Variants in MAP3K3 observed in about 807,000 individuals in gnomAD.
MAP3K3 encodes MAP/ERK kinase kinase 3.
MAP3K3 carries 12 observed loss-of-function variants against 80.9 expected under a neutral mutation model. The ratio of observed to expected loss-of-function variants is 0.15; its 90% CI spans 0.10 to 0.24. The LOEUF (loss-of-function observed/expected upper bound fraction) is 0.24, where lower values mean the gene tolerates loss of function less well. Among genes scored for constraint, MAP3K3 ranks in the 10% least tolerant of loss-of-function variants. The pLI, the probability that MAP3K3 is intolerant of heterozygous loss-of-function variation, is 1.00. For synonymous variants in MAP3K3, 272 were observed against 307.1 expected (o/e 0.89, Z 1.19); for missense variants, 596 against 834.7 (o/e 0.71, Z 3.52).
At chr17:63,675,671 A>T (rs1013404621) in intron 6 of MAP3K3, among the ~76,000 whole-genome samples, 4 of 152,128 alleles carry the variant, frequency 2.6e-5, no homozygotes, top group African/African-American at 9.7e-5. Flanking sequence ...CCTTCATGGG[A>T]AACTGTGGGC....
At chr17:63,649,480 T>C (rs2034607059) in intron 3 of MAP3K3, among the ~76,000 whole-genome samples, 1 of 149,584 alleles carries the variant, frequency 6.7e-6, no homozygotes. Context: ...CAGGCTGGAG[T>C]ACAGTGGTGT....
intron 1 of MAP3K3, among the ~76,000 whole-genome samples, chr17:63,632,075 A>G (rs2034227559): frequency 6.6e-6 from 1 of 152,024 alleles, no homozygotes; most frequent in Admixed American, 6.5e-5. Context: ...TCAATTTTTC[A>G]TCTATTTTTC....
At chr17:63,641,016 CA>C (rs1307377674) in intron 2 of MAP3K3, among the ~76,000 whole-genome samples, 3 of 152,116 alleles carry the variant, frequency 2.0e-5, no homozygotes, top group Admixed American at 6.6e-5. Context: ...CCTCTAAATC[CA>C]AAACATGCAT....
intron 5 of MAP3K3, among the ~76,000 whole-genome samples, chr17:63,665,857 C>A (rs1476636505): frequency 1.3e-5 from 2 of 152,150 alleles, no homozygotes; most frequent in African/African-American, 2.4e-5. Context: ...TGAACTCTCC[C>A]CTGAGAGCAG....
intron 1 of MAP3K3, 35 bp from the exon 2 acceptor site, chr17:63,632,646 A>G (rs753715402): frequency 6.2e-7 from 1 of 1,612,116 alleles, no homozygotes; most frequent in African/African-American, 1.3e-5. Context: ...GTCTGTATTT[A>G]AGTGTCTTAG....
At chr17:63,686,115 G>A (rs958196488) in intron 8 of MAP3K3, among the ~76,000 whole-genome samples, 2 of 152,078 alleles carry the variant, frequency 1.3e-5, no homozygotes, top group African/African-American at 2.4e-5. Context: ...ATACCAAATC[G>A]CAAGGGTATG....
chr17:63,693,487 T>C lies in MAP3K3; in HGVS notation c.1653-62T>C, dbSNP rs2035634368. ...AGAAAGGCGCCTCTTTCTGCAGTGG[T>C]GGGCAGGACAGCTGGGAGTCCAGGG... On this transcript the variant is annotated intron_variant, in intron 15 of 15. Coordinates refer to ENST00000361733, the MANE Select transcript of MAP3K3 (RefSeq NM_002401.5). The surrounding 1 kb of genome is among the most constrained non-coding windows in gnomAD (Gnocchi z 4.2). 6.3e-6 allele frequency: 9 copies of C among 1,437,430 alleles called. No individual in the cohort carries two copies. The highest frequency in any genetic ancestry group is 8.6e-6 in the Non-Finnish European group (9 of 1,048,284). 89.0% of individuals were successfully genotyped at this position (1,437,430 alleles called of 1,614,324 possible).
chr17:63,641,264 A>T (rs909862516), intron 2 of MAP3K3, among the ~76,000 whole-genome samples: 3 of 148,216 alleles, frequency 2.0e-5, no homozygotes, highest in Admixed American at 1.3e-4. Context: ...TTTTCCTGAG[A>T]TGGAGTCTTG....
At chr17:63,641,592 C>A (rs975379219) in intron 2 of MAP3K3, among the ~76,000 whole-genome samples, 4 of 152,008 alleles carry the variant, frequency 2.6e-5, no homozygotes, top group Non-Finnish European at 5.9e-5. Context: ...AACCTAAGTT[C>A]GAGGTTACAC....
rs571612955 is a variant in MAP3K3 at position 63,692,949 on chromosome 17, G to A, written c.1652+530G>A. On this transcript the variant is annotated intron_variant, in intron 15 of 15. Coordinates refer to ENST00000361733, the MANE Select transcript of MAP3K3 (RefSeq NM_002401.5). This position sits in a 1 kb window ranked among gnomAD's most constrained non-coding sequence, Gnocchi z 4.5. ...CTTTGCAGATAGGATTAGGTTAAGG[G>A]TTTTGAGATGGATGGATTATCCTGG... 8.5e-4 allele frequency among the ~76,000 whole-genome samples: 129 copies of A among 152,316 alleles called. 1 individual carries two copies. Among genetic ancestry groups the A allele is most frequent in the African/African-American group, 2.9e-3 (120 of 41,558 alleles).
Position 63,692,090 on chromosome 17 carries a change from C to T in MAP3K3, c.1475-152C>T. 11 of 941,336 alleles carry T rather than the reference C, an allele frequency of 1.2e-5. No homozygotes were observed. In the South Asian group the frequency reaches 1.7e-4, roughly 15 times the overall value. The allele number at this position is 941,336 out of a possible 1,614,324, so 58.3% of individuals were successfully genotyped here. ...CATTTTGTGCGGTAGATCTGAGACT[C>T]CCCTTTGCTAAATCCTTTGCCCTTT... On this transcript the variant is annotated intron_variant, in intron 14 of 15. Coordinates refer to ENST00000361733, the MANE Select transcript of MAP3K3 (RefSeq NM_002401.5). The surrounding 1 kb of genome is among the most constrained non-coding windows in gnomAD (Gnocchi z 4.5).
At chr17:63,634,267 G>A (rs949283877) in intron 2 of MAP3K3, among the ~76,000 whole-genome samples, 1 of 152,160 alleles carries the variant, frequency 6.6e-6, no homozygotes, top group East Asian at 1.9e-4. Flanking sequence ...TTTCCTTCCT[G>A]TCTTCCTATG....
chr17:63,658,335 C>T (rs2034814408), intron 5 of MAP3K3, among the ~76,000 whole-genome samples: 1 of 152,194 alleles, frequency 6.6e-6, no homozygotes, highest in Admixed American at 6.5e-5. Context: ...CCTTGGAACA[C>T]TTGTAGGAAA....
At chr17:63,672,820 A>T (rs1326383878) in intron 6 of MAP3K3, 1 of 152,246 alleles carries the variant, frequency 6.6e-6, no homozygotes, top group East Asian at 1.9e-4. Flanking sequence ...GGTAAGAGAC[A>T]GAAACCTGTT....
At chr17:63,624,060 G>A (rs535543834) in intron 1 of MAP3K3, among the ~76,000 whole-genome samples, 71 of 152,290 alleles carry the variant, frequency 4.7e-4, no homozygotes, top group African/African-American at 1.6e-3. Flanking sequence ...TGGGCTTACT[G>A]TTTCCTTCTC....
At chr17:63,660,594 C>CT (rs1212281196) in intron 5 of MAP3K3, among the ~76,000 whole-genome samples, 3,363 of 136,076 alleles carry the variant, frequency 0.025, 125 homozygotes, top group African/African-American at 0.083. Context: ...TTCTTCTTTT[C>CT]TTTTTTTTTT....
chr17:63,642,893 G>A (rs566829980), intron 2 of MAP3K3, among the ~76,000 whole-genome samples: 10 of 151,862 alleles, frequency 6.6e-5, no homozygotes, highest in Admixed American at 6.6e-4. Flanking sequence ...AAGTAGCTAA[G>A]ACTACAGGCG....
intron 4 of MAP3K3, among the ~76,000 whole-genome samples, chr17:63,654,295 A>AT (rs2034719492): frequency 1.0e-5 from 1 of 95,610 alleles, no homozygotes; most frequent in South Asian, 2.7e-4. Flanking sequence ...TATTCTGAAC[A>AT]TTTCGTGTAG....
At chr17:63,634,716 A>C (rs1188206788) in intron 2 of MAP3K3, 7 of 1,612,446 alleles carry the variant, frequency 4.3e-6, no homozygotes, top group African/African-American at 1.3e-5. Flanking sequence ...AAGAAAAAAC[A>C]CAACAGCAGC....
Sources: allele counts gnomAD v4.1 joint callset (sites outside exome capture counted in the v4.1 genomes callset), GRCh38; gene constraint gnomAD v4.1.1; non-coding constraint Gnocchi (gnomAD v3.1); transcripts MANE v1.5; gene names NCBI Gene and HGNC (gene_info 2026-07-23, HGNC 2026-07-21).